The following NAV2 variants were observed in gnomAD, a reference collection of about 807,000 sequenced individuals.
The protein encoded by NAV2 is helicase, APC down-regulated 1.
In NAV2, 54 loss-of-function variants were observed where a neutral mutation model predicts 223.2. The observed-to-expected ratio is 0.24, with a 90% CI of 0.19 to 0.30. The LOEUF is 0.30. NAV2 is among the 10% of genes least tolerant of loss of function. The pLI is 1.00. For synonymous variants in NAV2, 1,279 were observed against 1,239.3 expected, an observed-to-expected ratio of 1.03 and a Z score of -0.67; for missense variants, 2,806 against 3,147.5, an observed-to-expected ratio of 0.89 and a Z score of 2.60.
intron 1 of NAV2, among the ~76,000 whole-genome samples, chr11:19,539,413 T>G (rs1221771416): frequency 1.3e-5 from 2 of 152,230 alleles, no homozygotes; most frequent in Non-Finnish European, 2.9e-5. Context: ...TTTATCCAAT[T>G]AGGGTAGCTC....
intron 11 of NAV2, among the ~76,000 whole-genome samples, chr11:20,010,244 G>T (rs2053451701): frequency 6.6e-6 from 1 of 152,002 alleles, no homozygotes; most frequent in African/African-American, 2.4e-5. Context: ...TTTTTCTTGA[G>T]ATGGCTTCTG....
In NAV2 at chr11:20,080,053, T is replaced by C. The variant is rs951618068; in HGVS notation, c.5180-11T>C. ...TTGGCAGCTGCTGAAACACCCTGCC[T>C]TGGTCTCCAGGAAACGGCACTGCCC... On this transcript the variant is annotated splice_polypyrimidine_tract_variant and intron_variant, in intron 24 of 37. Transcript: ENST00000349880. The C allele has an allele frequency of 3.1e-6, 5 of 1,612,960 alleles. No individual in the cohort carries two copies. Among genetic ancestry groups the C allele is most frequent in the African/African-American group, 1.3e-5 (1 of 74,992 alleles).
At chr11:19,580,478 G>C (rs1038723975) in intron 1 of NAV2, among the ~76,000 whole-genome samples, 9 of 152,064 alleles carry the variant, frequency 5.9e-5, no homozygotes, top group African/African-American at 2.2e-4. Flanking sequence ...GAGTGTGCTT[G>C]CTCAGGTCTC....
chr11:19,842,750 G>A (rs868237875), intron 2 of NAV2, 121 bp from the exon 3 acceptor site: 1 of 792,910 alleles, frequency 1.3e-6, no homozygotes. Context: ...TCACATGCCT[G>A]CACTGATTGG....
At chr11:19,689,490 G>T (rs919730595) in intron 1 of NAV2, among the ~76,000 whole-genome samples, 5 of 152,196 alleles carry the variant, frequency 3.3e-5, no homozygotes, top group African/African-American at 1.2e-4. Context: ...AGCCCGGTTG[G>T]GTCAGAGGCG....
intron 1 of NAV2, among the ~76,000 whole-genome samples, chr11:19,560,021 C>A (rs1273810649): frequency 1.3e-5 from 2 of 152,194 alleles, no homozygotes; most frequent in South Asian, 4.1e-4. Flanking sequence ...GCTGCAGGAA[C>A]CAGAAGCTGT....
intron 5 of NAV2, among the ~76,000 whole-genome samples, chr11:19,880,619 G>A (rs544178245): frequency 2.0e-5 from 3 of 152,308 alleles, no homozygotes; most frequent in Middle Eastern, 3.4e-3. Context: ...GGGCAGTATC[G>A]CCTAACGGGA....
chr11:19,625,044 CATTT>C (rs1330689590), intron 1 of NAV2, among the ~76,000 whole-genome samples: 1 of 152,188 alleles, frequency 6.6e-6, no homozygotes, highest in African/African-American at 2.4e-5. Flanking sequence ...TCATCTCAAA[CATTT>C]ATCATTTCCT....
chr11:19,625,017 G>A (rs993238711), intron 1 of NAV2, among the ~76,000 whole-genome samples: 2 of 152,140 alleles, frequency 1.3e-5, no homozygotes, highest in African/African-American at 4.8e-5. Context: ...ATCACATTGG[G>A]CTAATTAGCA....
intron 1 of NAV2, among the ~76,000 whole-genome samples, chr11:19,647,287 T>G (rs558867373): frequency 1.3e-5 from 2 of 152,294 alleles, no homozygotes; most frequent in Admixed American, 1.3e-4. Context: ...GTTCATCAGT[T>G]GATGCCACCA....
chr11:19,988,779 C>A (rs1232552253), intron 11 of NAV2, among the ~76,000 whole-genome samples: 2 of 152,140 alleles, frequency 1.3e-5, no homozygotes, highest in African/African-American at 4.8e-5. Context: ...GCCTGCCAAG[C>A]TGAGCCCTCC....
At chr11:19,721,226 G>C (rs923668741) in intron 1 of NAV2, among the ~76,000 whole-genome samples, 6 of 152,146 alleles carry the variant, frequency 3.9e-5, no homozygotes, top group African/African-American at 1.4e-4. Flanking sequence ...CTTTAGCTTG[G>C]TAATACATAT....
chr11:19,712,827 G>T (rs1267865609), upstream of NAV2, among the ~76,000 whole-genome samples: 1 of 151,446 alleles, frequency 6.6e-6, no homozygotes, highest in Non-Finnish European at 1.5e-5. Flanking sequence ...AGCAGCGCCG[G>T]CAGCAGCCTG....
At chr11:20,054,266 T>C (rs752393546) in intron 18 of NAV2, 26 bp downstream of exon 18, 8 of 1,591,314 alleles carry the variant, frequency 5.0e-6, no homozygotes, top group East Asian at 4.5e-5. Flanking sequence ...TCATTACCTA[T>C]GTTGATCAGC....
chr11:19,697,536 T>C (rs754828094), intron 1 of NAV2, among the ~76,000 whole-genome samples: 1 of 151,496 alleles, frequency 6.6e-6, no homozygotes, highest in Non-Finnish European at 1.5e-5. Flanking sequence ...GATTTTATTA[T>C]AGAGGAAAGA....
At chr11:19,732,720 C>T (rs1298786676) in intron 1 of NAV2, among the ~76,000 whole-genome samples, 1 of 152,174 alleles carries the variant, frequency 6.6e-6, no homozygotes, top group Non-Finnish European at 1.5e-5. Context: ...TCTGGGATTC[C>T]TTGCCCAGTT....
intron 1 of NAV2, among the ~76,000 whole-genome samples, chr11:19,763,851 A>G (rs2054985427): frequency 6.6e-6 from 1 of 151,924 alleles, no homozygotes; most frequent in African/African-American, 2.4e-5. Context: ...AATGTAACAA[A>G]ACCTATGGAC....
rs754115977 is a variant in NAV2, at chr11:20,105,740, CTG to C, written c.6841+14_6841+15del. 5.6e-6 allele frequency: 9 copies of C among 1,606,672 alleles called. No individual in the cohort carries two copies. In the African/African-American group the frequency reaches 1.1e-4, roughly 19 times the overall value. ...GACGTCACCATCGGTGGGTGGGAGA[CTG>C]GGGTCAGGGGGGCGGGCTGGCATCC... On this transcript the variant is annotated intron_variant, in intron 35 of 37. Transcript: ENST00000349880.
chr11:19,719,876 A>G lies in NAV2; in HGVS notation c.267+5914A>G, dbSNP rs755166971. 9.7e-4 allele frequency among the ~76,000 whole-genome samples: 148 copies of G among 152,232 alleles called. 1 individual carries two copies. The highest frequency in any genetic ancestry group is 1.8e-3 in the Non-Finnish European group (122 of 68,028). Reference sequence around the variant, plus strand: ...CAGTAACCAAGCTGAGGGATCCGCTACAAACCAAACTTGTGGGAAGCTTCC... The same window carrying G: ...CAGTAACCAAGCTGAGGGATCCGCTGCAAACCAAACTTGTGGGAAGCTTCC... On this transcript the variant is annotated intron_variant, in intron 1 of 37. Transcript: ENST00000349880.
Sources: gnomAD v4.1 joint callset for allele counts (sites outside exome capture counted in the v4.1 genomes callset) on GRCh38, gnomAD v4.1.1 for gene constraint, MANE v1.5 for transcripts, NCBI Gene and HGNC (gene_info 2026-07-23, HGNC 2026-07-21) for gene names.